Variants in ALDH1A2 observed in about 807,000 individuals in gnomAD.
ALDH1A2 encodes aldehyde dehydrogenase 1 family member A2, also known as retinal dehydrogenase 2.
Under a neutral mutation model 60.3 loss-of-function variants are expected in ALDH1A2, and 27 were observed. The observed-to-expected ratio is 0.45, with a 90% CI of 0.33 to 0.62. ALDH1A2 has a LOEUF of 0.62. Ranked by LOEUF, ALDH1A2 falls within the 20% of genes least tolerant of loss-of-function variation. ALDH1A2 has a pLI of 0.02. For synonymous variants in ALDH1A2, 289 were observed against 232.4 expected (o/e 1.24, Z -2.21); for missense variants, 581 against 643.8 (o/e 0.90, Z 1.06).
At chr15:57,981,983 G>C (rs960332169) in intron 7 of ALDH1A2, among the ~76,000 whole-genome samples, 4 of 152,170 alleles carry the variant, frequency 2.6e-5, no homozygotes, top group African/African-American at 9.6e-5. Flanking sequence ...ATCCCATGGT[G>C]AAAGATGGAA....
intron 4 of ALDH1A2, among the ~76,000 whole-genome samples, chr15:58,010,305 T>G (rs565289211): frequency 6.6e-6 from 1 of 152,250 alleles, no homozygotes; most frequent in African/African-American, 2.4e-5. Context: ...CTTAACCTCG[T>G]TGGAATTTTC....
At chr15:58,002,268 C>G (rs1268524290) in intron 4 of ALDH1A2, among the ~76,000 whole-genome samples, 1 of 151,856 alleles carries the variant, frequency 6.6e-6, no homozygotes, top group East Asian at 1.9e-4. Flanking sequence ...AAGAACAGCC[C>G]TTGCTGCTAG....
chr15:57,994,965 T>A, intron 5 of ALDH1A2, 113 bp downstream of exon 5: 1 of 1,040,940 alleles, frequency 9.6e-7, no homozygotes, highest in Non-Finnish European at 1.5e-6. Context: ...ATGAGCTCAG[T>A]TTTTTTTCCT....
At chr15:57,986,771 C>A (rs1894718065) in intron 7 of ALDH1A2, among the ~76,000 whole-genome samples, 1 of 151,986 alleles carries the variant, frequency 6.6e-6, no homozygotes, top group Non-Finnish European at 1.5e-5. Context: ...CTCCTGGGTT[C>A]AAGGAATTCT....
intron 1 of ALDH1A2, among the ~76,000 whole-genome samples, chr15:58,047,097 T>C (rs1486473955): frequency 6.6e-6 from 1 of 152,022 alleles, no homozygotes; most frequent in Admixed American, 6.6e-5. Flanking sequence ...CAGGCTGCCA[T>C]GGATTTTCTA....
intron 1 of ALDH1A2, among the ~76,000 whole-genome samples, chr15:58,024,385 GAAAA>G (rs1257194037): frequency 5.3e-5 from 8 of 152,070 alleles, no homozygotes; most frequent in South Asian, 2.1e-4. Context: ...GAAAAAAAGT[GAAAA>G]AAGATATTCC....
intron 1 of ALDH1A2, among the ~76,000 whole-genome samples, chr15:58,016,750 A>C (rs1208671467): frequency 3.3e-5 from 5 of 152,264 alleles, no homozygotes; most frequent in East Asian, 3.9e-4. Context: ...TTGTGCTAAA[A>C]AACTAAAATA....
intron 7 of ALDH1A2, among the ~76,000 whole-genome samples, chr15:57,975,056 A>C (rs1246520791): frequency 3.3e-5 from 5 of 152,262 alleles, no homozygotes; most frequent in Non-Finnish European, 5.9e-5. Context: ...GTAAAAGACT[A>C]ACCACATCAA....
In ALDH1A2 at chr15:58,049,832, C is replaced by G. The variant is rs1457545377; in HGVS notation, c.117+15702G>C. 2.6e-5 allele frequency among the ~76,000 whole-genome samples: 4 copies of G among 152,046 alleles called. No individual in the cohort carries two copies. In the East Asian group the frequency reaches 7.7e-4, roughly 29 times the overall value. On this transcript the variant is annotated intron_variant, in intron 1 of 12. Transcript: ENST00000249750. ...AAGAGAAATGGCTTTTATGTACCCC[C>G]CTGTCTTGAAAACTGAGAATGTAAC...
intron 7 of ALDH1A2, among the ~76,000 whole-genome samples, chr15:57,970,702 G>A (rs1379964858): frequency 1.3e-5 from 2 of 151,924 alleles, no homozygotes; most frequent in Non-Finnish European, 2.9e-5. Context: ...CACATATCAA[G>A]GTAGATTTTT....
In ALDH1A2 at chr15:57,964,050, C is replaced by T; in HGVS notation, c.921G>A (p.Gln307=). Residue 307 remains glutamine, a synonymous_variant, in exon 9 of 13, where the codon CAG becomes CAA. Transcript: ENST00000249750. ...GATTGAAGAACACACCCTGGTGGGCCTGCTCCACAGCATAGTCCACTACAA... is the reference window on the plus strand; with the variant it reads ...GATTGAAGAACACACCCTGGTGGGCTTGCTCCACAGCATAGTCCACTACAA... The part of the protein sequence containing the change: ...ADADLDYAVE[Q]AHQGVFFNQG... 3 of 1,614,134 alleles carry T rather than the reference C, an allele frequency of 1.9e-6. No homozygotes were observed. Among genetic ancestry groups the T allele is most frequent in the Non-Finnish European group, 2.5e-6 (3 of 1,180,006 alleles).
At chr15:58,022,581 C>T (rs2642616) in intron 1 of ALDH1A2, among the ~76,000 whole-genome samples, 8,821 of 152,180 alleles carry the variant, frequency 0.058, 426 homozygotes, top group African/African-American at 0.13. Context: ...ACACAGGTGC[C>T]AGGGTATTCC....
At chr15:58,013,146 C>A (rs4646586) in intron 3 of ALDH1A2, among the ~76,000 whole-genome samples, 54,008 of 152,078 alleles carry the variant, frequency 0.36, 10,542 homozygotes, top group Non-Finnish European at 0.46. Context: ...AATGACAGGG[C>A]AAACGGAGCA....
intron 1 of ALDH1A2, among the ~76,000 whole-genome samples, chr15:58,053,375 C>T (rs949293784): frequency 1.3e-5 from 2 of 152,226 alleles, no homozygotes; most frequent in East Asian, 3.9e-4. Flanking sequence ...AAGCAAAAAG[C>T]ATGCTATCAT....
At chr15:57,993,584 CA>C (rs1298887523) in intron 5 of ALDH1A2, among the ~76,000 whole-genome samples, 1 of 152,096 alleles carries the variant, frequency 6.6e-6, no homozygotes, top group African/African-American at 2.4e-5. Flanking sequence ...TATATGATTA[CA>C]AAAAATAAAC....
intron 7 of ALDH1A2, among the ~76,000 whole-genome samples, chr15:57,988,608 ATCTT>A (rs1426426398): frequency 3.9e-5 from 6 of 152,218 alleles, no homozygotes; most frequent in Non-Finnish European, 7.3e-5. Flanking sequence ...GGCATGAGAA[ATCTT>A]TCTAAGGCAT....
intron 1 of ALDH1A2, among the ~76,000 whole-genome samples, chr15:58,057,118 G>A (rs147907114): frequency 2.8e-4 from 43 of 152,128 alleles, no homozygotes; most frequent in African/African-American, 1.0e-3. Context: ...GACATGATCA[G>A]GAATGTCCAA....
rs756828101 is a variant in ALDH1A2 at position 58,014,239 on chromosome 15, C to T, written c.160G>A (p.Val54Met). ...GTGGCTGGATTATAGACAGGGAACA[C>T]TCTCCCACTCTCTGAGTTCTGCCAC... Reference protein sequence around the residue: ...NEWQNSESGRVFPVYNPATGE... With the variant: ...NEWQNSESGRMFPVYNPATGE... Residue 54 changes from valine to methionine, a missense_variant, in exon 2 of 13, where the codon GTG becomes ATG. By Grantham distance (21) the Val-to-Met change is conservative. Around this residue, in one of 2 missense-constraint regions of ALDH1A2, gnomAD observed 206 missense variants for 174.1 expected, o/e 1.18. Transcript: ENST00000249750. 6.2e-7 allele frequency: 1 copy of T among 1,614,092 alleles called. No individual in the cohort carries two copies. Among genetic ancestry groups the T allele is most frequent in the Non-Finnish European group, 8.5e-7 (1 of 1,179,966 alleles).
At position 58,037,281 on chromosome 15, in the gene ALDH1A2, G is replaced by C. The variant is rs8028574; in HGVS notation, c.118-23000C>G. On this transcript the variant is annotated intron_variant, in intron 1 of 12. Coordinates refer to ENST00000249750, the MANE Select transcript of ALDH1A2 (RefSeq NM_003888.4). Reference sequence around the variant, plus strand: ...AGAGAAAAAAAGAATTATGAGAAAAGAGAAAGAATTTTTAAGGTATGTTAT... The same window carrying C: ...AGAGAAAAAAAGAATTATGAGAAAACAGAAAGAATTTTTAAGGTATGTTAT... Among the ~76,000 whole-genome samples the C allele has an allele frequency of 6.4e-3, 976 of 151,744 alleles. 15 individuals carry two copies. Among genetic ancestry groups the C allele is most frequent in the African/African-American group, 0.022 (896 of 41,470 alleles).
Sources: gnomAD v4.1 joint callset for allele counts (sites outside exome capture counted in the v4.1 genomes callset) on GRCh38, gnomAD v4.1.1 for gene constraint, gnomAD v4.1.1 regional missense constraint, MANE v1.5 for transcripts, NCBI Gene and HGNC (gene_info 2026-07-23, HGNC 2026-07-21) for gene names.